XXYLT1: variants seen among roughly 807,000 people sequenced by gnomAD.
XXYLT1 encodes the protein xyloside xylosyltransferase 1.
Under a neutral mutation model 28.9 loss-of-function variants are expected in XXYLT1, and 20 were observed. That is an observed-to-expected ratio of 0.69 (90% CI 0.49 to 1.00). XXYLT1 has a LOEUF of 1.00. XXYLT1 is among the 50% of genes least tolerant of loss of function. The probability of loss-of-function intolerance (pLI) is 0.00; values close to 1 mark genes in which losing one functional copy is unlikely to be tolerated. For missense variants in XXYLT1, 542 were observed against 560.1 expected (o/e 0.97, Z 0.33); for synonymous variants, 257 against 253.8 (o/e 1.01, Z -0.12).
intron 1 of XXYLT1, among the ~76,000 whole-genome samples, chr3:195,237,633 C>T (rs1057385753): frequency 6.6e-6 from 1 of 151,910 alleles, no homozygotes; most frequent in African/African-American, 2.4e-5. Flanking sequence ...CACCTTGCTC[C>T]ACCTCCAGCC....
chr3:195,119,522 T>C (rs1221000980), intron 3 of XXYLT1, among the ~76,000 whole-genome samples: 1 of 151,990 alleles, frequency 6.6e-6, no homozygotes, highest in African/African-American at 2.4e-5. Context: ...ACAGAAAGAA[T>C]GGATCAGAAA....
At chr3:195,140,048 T>C (rs1305066327) in intron 3 of XXYLT1, among the ~76,000 whole-genome samples, 2 of 152,208 alleles carry the variant, frequency 1.3e-5, no homozygotes, top group African/African-American at 4.8e-5. Flanking sequence ...AGTCATCCTT[T>C]TACAGTCACA....
At chr3:195,162,653 C>T (rs557358167) in intron 2 of XXYLT1, among the ~76,000 whole-genome samples, 1 of 152,326 alleles carries the variant, frequency 6.6e-6, no homozygotes, top group South Asian at 2.1e-4. Flanking sequence ...ACAGTTTTTG[C>T]TTCAGCAACA....
chr3:195,184,834 C>G, intron 2 of XXYLT1: 1 of 984,496 alleles, frequency 1.0e-6, no homozygotes, highest in Non-Finnish European at 1.2e-6. Flanking sequence ...CAGGCCAAAT[C>G]ATTCTCATTC....
rs1462778499 is a variant in XXYLT1, at chr3:195,115,636, GGAC to G, written c.785+40810_785+40812del. On this transcript the variant is annotated intron_variant, in intron 3 of 3. Coordinates refer to ENST00000310380, the MANE Select transcript of XXYLT1 (RefSeq NM_152531.5). This position sits in a 1 kb window ranked among gnomAD's most constrained non-coding sequence, Gnocchi z 4.2. ...GGTTTGGAAAGCACAGCTATTTACA[GGAC>G]GACTCCCTTCATCTGGTGCGGAGCA... Among the ~76,000 whole-genome samples the G allele has an allele frequency of 2.0e-5, 3 of 152,216 alleles. No homozygotes were observed. Among genetic ancestry groups the G allele is most frequent in the Admixed American group, 2.0e-4 (3 of 15,274 alleles).
chr3:195,161,239 G>A (rs1375453065), intron 2 of XXYLT1, among the ~76,000 whole-genome samples: 1 of 152,176 alleles, frequency 6.6e-6, no homozygotes, highest in Non-Finnish European at 1.5e-5. Flanking sequence ...TCGGTAATTT[G>A]TTTAAGACAA....
At chr3:195,126,406 A>C (rs1270026506) in intron 3 of XXYLT1, among the ~76,000 whole-genome samples, 2 of 152,134 alleles carry the variant, frequency 1.3e-5, no homozygotes, top group Admixed American at 6.5e-5. Context: ...TCATTCATTC[A>C]CTCATTTACA....
intron 3 of XXYLT1, 55 bp downstream of exon 3, chr3:195,156,394 A>G: frequency 1.9e-6 from 3 of 1,588,180 alleles, no homozygotes; most frequent in South Asian, 2.3e-5. Context: ...CAGAAGAGAG[A>G]GGGTGAAGGG....
chr3:195,074,743 G>A (rs1221545750), intron 3 of XXYLT1, among the ~76,000 whole-genome samples: 2 of 152,174 alleles, frequency 1.3e-5, no homozygotes, highest in Non-Finnish European at 2.9e-5. Flanking sequence ...GGGCAGTCTC[G>A]AGCTCTTCAG....
intron 3 of XXYLT1, chr3:195,085,952 T>A (rs1419596206): frequency 6.6e-6 from 1 of 152,124 alleles, no homozygotes; most frequent in Non-Finnish European, 1.5e-5. Context: ...TCACTATGAC[T>A]CGGTGGTGCC....
rs1721654749 is a variant in XXYLT1 at position 195,176,127 on chromosome 3, A to G, written c.653-19546T>C. 6.6e-6 allele frequency among the ~76,000 whole-genome samples: 1 copy of G among 152,072 alleles called. No homozygotes were observed. Among genetic ancestry groups the G allele is most frequent in the Admixed American group, 6.6e-5 (1 of 15,262 alleles). The stretch of plus-strand genomic sequence containing the variant: ...GCTGGAGTGCAATGGCATGATGCCA[A>G]CTCACTGCAACCTCCATCTCCTGGG... On this transcript the variant is annotated intron_variant, in intron 2 of 3. Transcript: ENST00000310380. This position sits in a 1 kb window ranked among gnomAD's most constrained non-coding sequence, Gnocchi z 4.9.
intron 2 of XXYLT1, among the ~76,000 whole-genome samples, chr3:195,187,945 T>C (rs996688495): frequency 2.0e-5 from 3 of 152,140 alleles, no homozygotes; most frequent in African/African-American, 7.2e-5. Flanking sequence ...AGTAAATCCC[T>C]CCTCTCTCAC....
At chr3:195,132,312 A>C (rs2108631249) in intron 3 of XXYLT1, among the ~76,000 whole-genome samples, 1 of 152,290 alleles carries the variant, frequency 6.6e-6, no homozygotes, top group African/African-American at 2.4e-5. Context: ...TTTACAAATA[A>C]AGAAATTAGC....
At chr3:195,117,461 T>A (rs1718106990) in intron 3 of XXYLT1, among the ~76,000 whole-genome samples, 1 of 152,226 alleles carries the variant, frequency 6.6e-6, no homozygotes, top group Non-Finnish European at 1.5e-5. Context: ...TCATATGATC[T>A]CATTTTTATA....
At chr3:195,110,379 TAAGTGTGTGTGGTGTG>T (rs1717544055) in intron 3 of XXYLT1, among the ~76,000 whole-genome samples, 1 of 107,790 alleles carries the variant, frequency 9.3e-6, no homozygotes, top group South Asian at 3.0e-4. Flanking sequence ...GTGTGCTGTA[TAAGTGTGTGTGGTGTG>T]TTATGTGTGT....
chr3:195,175,082 C>T (rs1226653760), intron 2 of XXYLT1, among the ~76,000 whole-genome samples: 2 of 152,190 alleles, frequency 1.3e-5, no homozygotes, highest in Non-Finnish European at 2.9e-5. Flanking sequence ...TAAAGAGCTT[C>T]CCCATTTAAG....
intron 2 of XXYLT1, among the ~76,000 whole-genome samples, chr3:195,185,152 A>C (rs1722139019): frequency 6.7e-6 from 1 of 150,176 alleles, no homozygotes; most frequent in African/African-American, 2.4e-5. Flanking sequence ...GAAGGAAGGA[A>C]AAAAGAAAAA....
At chr3:195,095,003 C>A (rs758784081) in intron 3 of XXYLT1, among the ~76,000 whole-genome samples, 1 of 152,182 alleles carries the variant, frequency 6.6e-6, no homozygotes, top group Admixed American at 6.5e-5. Flanking sequence ...AATGTGTGTC[C>A]GGGATCTGGT....
Position 195,094,987 on chromosome 3 carries a change from G to A in XXYLT1, c.786-24876C>T, listed in dbSNP as rs141019754. 5.1e-3 allele frequency among the ~76,000 whole-genome samples: 783 copies of A among 152,286 alleles called. 7 individuals are homozygous for A. Among genetic ancestry groups the A allele is most frequent in the African/African-American group, 0.018 (732 of 41,562 alleles). ...CAGTGCTTCCCAGACCTTACTGTGCGGGGGAAATGTGTGTCCGGGATCTGG... is the reference window on the plus strand; with the variant it reads ...CAGTGCTTCCCAGACCTTACTGTGCAGGGGAAATGTGTGTCCGGGATCTGG... On this transcript the variant is annotated intron_variant, in intron 3 of 3. Coordinates refer to ENST00000310380, the MANE Select transcript of XXYLT1 (RefSeq NM_152531.5).
Sources: allele counts gnomAD v4.1 joint callset (sites outside exome capture counted in the v4.1 genomes callset), GRCh38; gene constraint gnomAD v4.1.1; non-coding constraint Gnocchi (gnomAD v3.1); transcripts MANE v1.5; gene names NCBI Gene and HGNC (gene_info 2026-07-23, HGNC 2026-07-21).